EPHA6: variants seen among roughly 807,000 people sequenced by gnomAD.
EPHA6 encodes the protein ephrin type-A receptor 6.
Under a neutral mutation model 112.0 loss-of-function variants are expected in EPHA6, and 50 were observed. The observed-to-expected ratio is 0.45, with a 90% CI of 0.36 to 0.56. The LOEUF (loss-of-function observed/expected upper bound fraction) is 0.56. EPHA6 is among the 20% of genes least tolerant of loss of function. The pLI, the probability that EPHA6 is intolerant of heterozygous loss-of-function variation, is 0.00. For missense variants in EPHA6, 1,280 were observed against 1,417.4 expected, an observed-to-expected ratio of 0.90 and a Z score of 1.56; for synonymous variants, 529 against 490.7, an observed-to-expected ratio of 1.08 and a Z score of -1.03.
chr3:97,647,909 A>G (rs1044755538), intron 14 of EPHA6, among the ~76,000 whole-genome samples: 1 of 152,142 alleles, frequency 6.6e-6, no homozygotes, highest in African/African-American at 2.4e-5. Flanking sequence ...TTACCTAAAA[A>G]GAACATTAAA....
In EPHA6 at chr3:97,334,725, G is replaced by T. The variant is rs553501010; in HGVS notation, c.1607-70425G>T. The stretch of plus-strand genomic sequence containing the variant: ...ACATGGTCTCTTTCATCCTTGTTGA[G>T]CTTTGGTAATTTGTGGTTTTTGAAG... On this transcript the variant is annotated intron_variant, in intron 5 of 17. Coordinates refer to ENST00000389672, the MANE Select transcript of EPHA6 (RefSeq NM_001080448.3). 3.9e-5 allele frequency among the ~76,000 whole-genome samples: 6 copies of T among 152,080 alleles called. No individual in the cohort carries two copies. The South Asian group carries it at 1.2e-3, about 32-fold the overall frequency.
Position 97,487,445 on chromosome 3 carries a change from C to T in EPHA6, c.2200+3386C>T, listed in dbSNP as rs1442457028. ...ATGTTTGTTAGATGGCTAATATTTACTTGTAAAAGATAATGTGCCACTTAA... is the reference window on the plus strand; with the variant it reads ...ATGTTTGTTAGATGGCTAATATTTATTTGTAAAAGATAATGTGCCACTTAA... On this transcript the variant is annotated intron_variant, in intron 10 of 17. Coordinates refer to ENST00000389672, the MANE Select transcript of EPHA6 (RefSeq NM_001080448.3). 2.6e-5 allele frequency among the ~76,000 whole-genome samples: 4 copies of T among 152,296 alleles called. No homozygotes were observed. In the East Asian group the frequency reaches 7.7e-4, roughly 29 times the overall value.
intron 3 of EPHA6, among the ~76,000 whole-genome samples, chr3:97,150,350 A>C (rs1337420368): frequency 1.3e-5 from 2 of 152,114 alleles, no homozygotes; most frequent in African/African-American, 4.8e-5. Flanking sequence ...TATAGCTAAC[A>C]GCCTTTTACA....
At chr3:97,225,828 G>T (rs190275656) in intron 3 of EPHA6, among the ~76,000 whole-genome samples, 124 of 152,250 alleles carry the variant, frequency 8.1e-4, no homozygotes, top group African/African-American at 2.9e-3. Context: ...TTTTCTTCTT[G>T]ACTACTCAGA....
intron 6 of EPHA6, among the ~76,000 whole-genome samples, chr3:97,411,258 C>T (rs969711821): frequency 6.6e-6 from 1 of 151,882 alleles, no homozygotes; most frequent in African/African-American, 2.4e-5. Flanking sequence ...GCTTAGTAAG[C>T]CCAGGGAGGA....
chr3:97,163,616 G>A (rs761855316), intron 3 of EPHA6, among the ~76,000 whole-genome samples: 3 of 152,108 alleles, frequency 2.0e-5, no homozygotes, highest in Non-Finnish European at 4.4e-5. Flanking sequence ...GATGGGTCCT[G>A]AGGAGGCTCA....
chr3:97,049,555 A>T (rs1354762347), intron 3 of EPHA6, among the ~76,000 whole-genome samples: 1 of 152,178 alleles, frequency 6.6e-6, no homozygotes, highest in African/African-American at 2.4e-5. Context: ...CTTCACCCAG[A>T]GCTTATTGAT....
At chr3:97,401,042 T>A (rs1273146604) in intron 5 of EPHA6, among the ~76,000 whole-genome samples, 1 of 151,872 alleles carries the variant, frequency 6.6e-6, no homozygotes, top group Non-Finnish European at 1.5e-5. Flanking sequence ...CAGTATGATA[T>A]TGGCTGTGTG....
chr3:96,985,644 A>G (rs1015816605), intron 2 of EPHA6, among the ~76,000 whole-genome samples: 2 of 152,264 alleles, frequency 1.3e-5, no homozygotes, highest in Admixed American at 1.3e-4. Context: ...ATACAATTCA[A>G]AGGAACTCAT....
At chr3:97,454,174 C>T (rs1018347037) in intron 7 of EPHA6, among the ~76,000 whole-genome samples, 4 of 151,718 alleles carry the variant, frequency 2.6e-5, no homozygotes, top group African/African-American at 9.7e-5. Flanking sequence ...ATGCCACTTT[C>T]CTGAAATGTT....
intron 6 of EPHA6, chr3:97,441,447 T>C: frequency 2.0e-6 from 2 of 980,448 alleles, no homozygotes; most frequent in Non-Finnish European, 2.4e-6. Context: ...GAAGAAAACG[T>C]CCTCAACTAG....
intron 2 of EPHA6, among the ~76,000 whole-genome samples, chr3:96,920,866 C>A (rs1056746803): frequency 1.3e-5 from 2 of 151,846 alleles, no homozygotes; most frequent in Admixed American, 1.3e-4. Context: ...ATAATTTGTT[C>A]TAGTTTTAAA....
intron 3 of EPHA6, among the ~76,000 whole-genome samples, chr3:97,116,408 C>T (rs1293422468): frequency 6.6e-6 from 1 of 151,574 alleles, no homozygotes; most frequent in Non-Finnish European, 1.5e-5. Context: ...GTATACAATA[C>T]AGTATTATTA....
At chr3:97,726,325 C>T (rs2034766268) in intron 15 of EPHA6, among the ~76,000 whole-genome samples, 1 of 152,104 alleles carries the variant, frequency 6.6e-6, no homozygotes, top group African/African-American at 2.4e-5. Context: ...CACAGTTCTA[C>T]AAAATGAGAT....
At chr3:97,395,016 A>C (rs762743979) in intron 5 of EPHA6, among the ~76,000 whole-genome samples, 10 of 151,784 alleles carry the variant, frequency 6.6e-5, no homozygotes, top group South Asian at 2.1e-4. Flanking sequence ...CTGCCATAAA[A>C]GAACATTCAC....
At chr3:97,171,510 G>A (rs1407122961) in intron 3 of EPHA6, among the ~76,000 whole-genome samples, 1 of 151,936 alleles carries the variant, frequency 6.6e-6, no homozygotes, top group Non-Finnish European at 1.5e-5. Flanking sequence ...CATGCAACAG[G>A]TATTATAAAG....
chr3:97,130,138 G>A (rs2048299184), intron 3 of EPHA6, among the ~76,000 whole-genome samples: 1 of 151,982 alleles, frequency 6.6e-6, no homozygotes. Flanking sequence ...TTTCTCGGGT[G>A]GTGGTAGTGA....
chr3:97,623,734 C>G (rs1346491367), intron 13 of EPHA6, among the ~76,000 whole-genome samples: 5 of 151,662 alleles, frequency 3.3e-5, no homozygotes, highest in Non-Finnish European at 5.9e-5. Context: ...AAAAGCCCAA[C>G]TCTTAATACT....
intron 3 of EPHA6, among the ~76,000 whole-genome samples, chr3:97,038,688 G>T (rs1432331864): frequency 6.6e-6 from 1 of 152,050 alleles, no homozygotes; most frequent in African/African-American, 2.4e-5. Context: ...GACACTTGCA[G>T]TGCTTTCTTT....
Sources: allele counts gnomAD v4.1 joint callset (sites outside exome capture counted in the v4.1 genomes callset), GRCh38; gene constraint gnomAD v4.1.1; transcripts MANE v1.5; gene names NCBI Gene and HGNC (gene_info 2026-07-23, HGNC 2026-07-21).